Variants in DENND10 observed in about 807,000 individuals in gnomAD.
The protein encoded by DENND10 is DENN domain containing 10.
Under a neutral mutation model 43.6 loss-of-function variants are expected in DENND10, and 24 were observed. That is an observed-to-expected ratio of 0.55 (90% CI 0.40 to 0.77). The LOEUF is 0.77. Ranked by LOEUF, DENND10 falls within the 30% of genes least tolerant of loss-of-function variation. DENND10 has a pLI of 0.00. For missense variants in DENND10, 303 were observed against 429.9 expected (o/e 0.70, Z 2.61); for synonymous variants, 125 against 157.6 (o/e 0.79, Z 1.55).
rs563915860 is a variant in DENND10, at chr10:119,130,036, G to T, written c.802+414G>T. Among the ~76,000 whole-genome samples the T allele has an allele frequency of 6.7e-5, 10 of 150,186 alleles. No individual in the cohort carries two copies. The East Asian group carries it at 1.8e-3, about 26-fold the overall frequency. On this transcript the variant is annotated intron_variant, in intron 7 of 8. Coordinates refer to ENST00000361432, the MANE Select transcript of DENND10 (RefSeq NM_207009.4). ...TTCTTTTTTTTTTTGGCAGAGTCTT[G>T]CTCTATTTCCCAGGCTGGAGTGCAG...
At chr10:119,119,314 G>A (rs889876733) in intron 4 of DENND10, among the ~76,000 whole-genome samples, 6 of 151,710 alleles carry the variant, frequency 4.0e-5, no homozygotes, top group African/African-American at 1.5e-4. Context: ...GCTAATTTTT[G>A]TATTTTTAGT....
rs113259304 is a variant in DENND10 at position 119,120,816 on chromosome 10, G to A, written c.593+364G>A. 8.3e-3 allele frequency among the ~76,000 whole-genome samples: 1,258 copies of A among 152,298 alleles called. 17 individuals carry two copies. The highest frequency in any genetic ancestry group is 0.028 in the African/African-American group (1,178 of 41,560). ...TGGTCAATGAAATTTTATTTTCAAG[G>A]ACAGGCAGCTAGGCTGTGGGCCATA... is the stretch of plus-strand genomic sequence containing the variant. On this transcript the variant is annotated intron_variant, in intron 5 of 8. Coordinates refer to ENST00000361432, the MANE Select transcript of DENND10 (RefSeq NM_207009.4).
chr10:119,120,258 G>T, intron 4 of DENND10, 83 bp from the exon 5 acceptor site: 2 of 872,618 alleles, frequency 2.3e-6, no homozygotes, highest in Non-Finnish European at 3.6e-6. Context: ...AAAAAAAAAA[G>T]AAAAAAGAAA....
At chr10:119,114,705 A>G (rs11198780) in intron 3 of DENND10, 4,037 of 152,152 alleles carry the variant, frequency 0.027, 187 homozygotes, top group African/African-American at 0.09. Flanking sequence ...GTTGTCATGT[A>G]GGAAGTCATC....
intron 6 of DENND10, among the ~76,000 whole-genome samples, chr10:119,128,329 G>A (rs1244461883): frequency 6.6e-6 from 1 of 151,964 alleles, no homozygotes; most frequent in Non-Finnish European, 1.5e-5. Flanking sequence ...AAACAAAAAG[G>A]CCAGGCACAG....
chr10:119,116,694 A>C (rs1170829111), intron 3 of DENND10, among the ~76,000 whole-genome samples: 1 of 136,112 alleles, frequency 7.3e-6, no homozygotes, highest in Non-Finnish European at 1.5e-5. Context: ...TTTGAGACAG[A>C]ATCTTGCTCT....
intron 3 of DENND10, chr10:119,114,119 G>T (rs79514881): frequency 1.3e-5 from 2 of 152,270 alleles, no homozygotes; most frequent in East Asian, 1.9e-4. Context: ...TGTGCAGTGC[G>T]TGGCATTGTA....
At chr10:119,115,780 T>G (rs1845236473) in intron 3 of DENND10, among the ~76,000 whole-genome samples, 1 of 150,636 alleles carries the variant, frequency 6.6e-6, no homozygotes, top group Non-Finnish European at 1.5e-5. Context: ...TTTTTTTTTT[T>G]TGAGACGGAA....
chr10:119,120,298 A>G, intron 4 of DENND10, 43 bp from the exon 5 acceptor site: 5 of 1,142,882 alleles, frequency 4.4e-6, no homozygotes, highest in South Asian at 1.3e-5. Flanking sequence ...ATTTCTTTGC[A>G]TGATGTGTAA....
At chr10:119,115,764 CTT>C (rs112553660) in intron 3 of DENND10, among the ~76,000 whole-genome samples, 15 of 119,690 alleles carry the variant, frequency 1.3e-4, no homozygotes, top group Admixed American at 1.7e-4. Flanking sequence ...TTCAAGTGAT[CTT>C]TTTTTTTTTT....
intron 1 of DENND10, chr10:119,105,516 C>G: frequency 8.5e-7 from 1 of 1,172,256 alleles, no homozygotes; most frequent in South Asian, 1.5e-5. Context: ...GTATTTATTT[C>G]TAATGTGATT....
At chr10:119,127,645 AT>A (rs71480783) in intron 6 of DENND10, among the ~76,000 whole-genome samples, 50,866 of 148,722 alleles carry the variant, frequency 0.34, 9,532 homozygotes, top group Non-Finnish European at 0.42. Flanking sequence ...TGCCCAGCTA[AT>A]TTTTTTTTTT....
rs2133551050 is a variant in DENND10 at position 119,137,240 on chromosome 10, T to C, written c.*593T>C. ...ACATTTTGCCTATGAGAGTTTTGCA[T>C]ATATTTTATACTTGAGTAGACAACT... On this transcript the variant is annotated 3_prime_UTR_variant, in exon 9 of 9. Coordinates refer to ENST00000361432, the MANE Select transcript of DENND10 (RefSeq NM_207009.4). The C allele has an allele frequency of 6.3e-6, 1 of 158,748 alleles. No individual in the cohort carries two copies. Among genetic ancestry groups the C allele is most frequent in the African/African-American group, 2.6e-5 (1 of 38,984 alleles). 9.8% of individuals were successfully genotyped at this position (158,748 alleles called of 1,614,324 possible).
chr10:119,115,544 C>G lies in DENND10; in HGVS notation c.333-1975C>G, dbSNP rs547062822. 1.1e-3 allele frequency among the ~76,000 whole-genome samples: 110 copies of G among 96,206 alleles called. 4 individuals are homozygous for G. The highest frequency in any genetic ancestry group is 2.2e-3 in the Non-Finnish European group (94 of 42,624). The allele number at this position is 96,206 out of a possible 152,430, so 63.1% of individuals were successfully genotyped here. On this transcript the variant is annotated intron_variant, in intron 3 of 8. Transcript: ENST00000361432. ...CTGGGACGACAGGCGCCCGCCACTACGCCCGGCTAATTTTTTTTGTATTTT... is the reference window on the plus strand; with the variant it reads ...CTGGGACGACAGGCGCCCGCCACTAGGCCCGGCTAATTTTTTTTGTATTTT...
chr10:119,106,892 A>T (rs1003085834), intron 1 of DENND10, among the ~76,000 whole-genome samples: 2 of 151,794 alleles, frequency 1.3e-5, no homozygotes, highest in Non-Finnish European at 2.9e-5. Context: ...CTTTACTAAA[A>T]ATACAAAATT....
intron 5 of DENND10, among the ~76,000 whole-genome samples, chr10:119,121,847 C>T (rs1019521462): frequency 6.6e-6 from 1 of 152,104 alleles, no homozygotes; most frequent in African/African-American, 2.4e-5. Flanking sequence ...TAAATTTACT[C>T]ATAACAAGAA....
chr10:119,121,559 AT>A (rs540135990), intron 5 of DENND10, among the ~76,000 whole-genome samples: 106 of 150,912 alleles, frequency 7.0e-4, no homozygotes, highest in African/African-American at 2.2e-3. Flanking sequence ...TGTTCAAGTA[AT>A]TCTCCTGCCT....
In DENND10 at chr10:119,132,029, A is replaced by T. The variant is rs1212246040; in HGVS notation, c.803-486A>T. Among the ~76,000 whole-genome samples, 1 of 152,216 alleles carries T rather than the reference A, an allele frequency of 6.6e-6. No individual in the cohort carries two copies. Among genetic ancestry groups the T allele is most frequent in the African/African-American group, 2.4e-5 (1 of 41,446 alleles). On this transcript the variant is annotated intron_variant, in intron 7 of 8. Transcript: ENST00000361432. The surrounding 1 kb of genome is among the most constrained non-coding windows in gnomAD (Gnocchi z 4.2). ...AGTAGCAATGTATGTAACCAGGCTA[A>T]CTTAGGTGGTTTCCTTTGCTCATTT...
chr10:119,115,672 TAAA>T (rs1845229817), intron 3 of DENND10, among the ~76,000 whole-genome samples: 1 of 151,614 alleles, frequency 6.6e-6, no homozygotes, highest in African/African-American at 2.4e-5. Flanking sequence ...TGGTAATTTT[TAAA>T]AAAACACTGA....
Sources: gnomAD v4.1 joint callset for allele counts (sites outside exome capture counted in the v4.1 genomes callset) on GRCh38, gnomAD v4.1.1 for gene constraint, Gnocchi (gnomAD v3.1) non-coding constraint, MANE v1.5 for transcripts, NCBI Gene and HGNC (gene_info 2026-07-23, HGNC 2026-07-21) for gene names.